The following PCNT variants were observed in gnomAD, a reference collection of about 807,000 sequenced individuals.
The protein encoded by PCNT is pericentrin.
A neutral mutation model predicts 380.4 loss-of-function variants in PCNT; 319 were observed. The ratio of observed to expected loss-of-function variants is 0.84; its 90% CI spans 0.77 to 0.92. The LOEUF (loss-of-function observed/expected upper bound fraction) is 0.92. Among genes scored for constraint, PCNT ranks in the 40% least tolerant of loss-of-function variants. PCNT has a pLI of 0.00. For missense variants in PCNT, 4,400 were observed against 4,255.3 expected (o/e 1.03, Z -0.95); for synonymous variants, 1,845 against 1,735.2 (o/e 1.06, Z -1.57).
In PCNT at chr21:46,430,219, G is replaced by A. The variant is rs1317975112; in HGVS notation, c.7900G>A (p.Val2634Ile). 3.1e-6 allele frequency: 5 copies of A among 1,613,304 alleles called. No individual in the cohort carries two copies. The highest frequency in any genetic ancestry group is 1.3e-5 in the African/African-American group (1 of 75,042). ...SRSLCEVQQE[V>I]LQLRSMLSSK... is the part of the protein sequence containing the mutation. ...GTCCCTCTGCGAGGTGCAGCAGGAG[G>A]TCCTCCAGCTGAGGTGCGCCTGATC... Residue 2634 changes from valine to isoleucine, a missense_variant, in exon 36 of 47, where the codon GTC becomes ATC. Coordinates refer to ENST00000359568, the MANE Select transcript of PCNT (RefSeq NM_006031.6).
chr21:46,445,437 G>A lies in PCNT; in HGVS notation c.*110G>A, dbSNP rs773970145. On this transcript the variant is annotated 3_prime_UTR_variant, in exon 47 of 47. Coordinates refer to ENST00000359568, the MANE Select transcript of PCNT (RefSeq NM_006031.6). ...AGCATGGGCACTACTCTTCATGTGC[G>A]GTGACACCAGCCCCCAGATGCCTTG... The A allele has an allele frequency of 8.9e-5, 76 of 851,712 alleles. 1 individual carries two copies. The Middle Eastern group carries it at 7.7e-3, about 86-fold the overall frequency. 52.8% of individuals were successfully genotyped at this position (851,712 alleles called of 1,614,324 possible).
chr21:46,364,552 C>T (rs991394261), intron 14 of PCNT, among the ~76,000 whole-genome samples: 1 of 152,210 alleles, frequency 6.6e-6, no homozygotes, highest in Non-Finnish European at 1.5e-5. Context: ...ATCCACTAAG[C>T]GTTTTTGTGT....
rs770080898 is a variant in PCNT at position 46,389,524 on chromosome 21, G to C, written c.3840+93G>C. 34 of 974,364 alleles carry C rather than the reference G, an allele frequency of 3.5e-5. 1 individual carries two copies. The highest frequency in any genetic ancestry group is 4.5e-5 in the Non-Finnish European group (29 of 639,858). 60.4% of individuals were successfully genotyped at this position (974,364 alleles called of 1,614,324 possible). A position where few individuals can be genotyped will look rare whatever the true frequency, so the allele number is the denominator to read the frequency against. ...CCTGGTGGATGCCGGTGCCAACGACGCTCGCACGGGTTTCTCCCCAAGGAG... is the reference window on the plus strand; with the variant it reads ...CCTGGTGGATGCCGGTGCCAACGACCCTCGCACGGGTTTCTCCCCAAGGAG... On this transcript the variant is annotated intron_variant, in intron 19 of 46. Coordinates refer to ENST00000359568, the MANE Select transcript of PCNT (RefSeq NM_006031.6).
intron 1 of PCNT, among the ~76,000 whole-genome samples, chr21:46,326,100 T>A (rs1248766297): frequency 6.6e-6 from 1 of 152,214 alleles, no homozygotes; most frequent in Non-Finnish European, 1.5e-5. Context: ...AAAGTTTTAT[T>A]TTTCTGTAAA....
chr21:46,393,403 G>A (rs1389167962), intron 21 of PCNT, among the ~76,000 whole-genome samples: 4 of 152,122 alleles, frequency 2.6e-5, no homozygotes, highest in South Asian at 2.1e-4. Context: ...CTGGGCGTCC[G>A]TTGTCGCTGT....
chr21:46,388,538 T>C lies in PCNT; in HGVS notation c.3465-204T>C, dbSNP rs2085918902. ...CCTCACCTAGGAAAGCCCGTGTCCC[T>C]GAGTGGGCTCCACGTGGTTGTCTTG... On this transcript the variant is annotated intron_variant, in intron 17 of 46. Coordinates refer to ENST00000359568, the MANE Select transcript of PCNT (RefSeq NM_006031.6). This position sits in a 1 kb window ranked among gnomAD's most constrained non-coding sequence, Gnocchi z 4.2. 6.6e-6 allele frequency among the ~76,000 whole-genome samples: 1 copy of C among 152,248 alleles called. No homozygotes were observed. Among genetic ancestry groups the C allele is most frequent in the South Asian group, 2.1e-4 (1 of 4,832 alleles).
chr21:46,422,182 C>T, intron 32 of PCNT, 58 bp downstream of exon 32: 2 of 1,599,428 alleles, frequency 1.3e-6, no homozygotes, highest in South Asian at 1.1e-5. Context: ...GGGCATCCCC[C>T]AAGCCCTGTG....
intron 3 of PCNT, among the ~76,000 whole-genome samples, chr21:46,338,834 G>T (rs2083833364): frequency 6.6e-6 from 1 of 151,660 alleles, no homozygotes; most frequent in Admixed American, 6.6e-5. Context: ...AGCCTAGAGT[G>T]CAGTGGCCCA....
chr21:46,438,422 C>T, intron 41 of PCNT, 85 bp downstream of exon 41: 3 of 1,217,990 alleles, frequency 2.5e-6, no homozygotes, highest in East Asian at 2.3e-5. Context: ...GGCCGGGCTC[C>T]CTTTAGGGAC....
chr21:46,406,808 T>C (rs1255592832), intron 27 of PCNT, among the ~76,000 whole-genome samples: 1 of 152,250 alleles, frequency 6.6e-6, no homozygotes, highest in Non-Finnish European at 1.5e-5. Flanking sequence ...GAAATAGTGA[T>C]GATATTTTTC....
At chr21:46,414,732 C>A (rs2086948381) in intron 29 of PCNT, among the ~76,000 whole-genome samples, 1 of 53,830 alleles carries the variant, frequency 1.9e-5, no homozygotes, top group African/African-American at 5.3e-5. Context: ...CACAGCTGCC[C>A]ACCCTCCTCC....
intron 21 of PCNT, among the ~76,000 whole-genome samples, chr21:46,393,987 G>C (rs182777818): frequency 7.2e-4 from 110 of 152,290 alleles, no homozygotes; most frequent in South Asian, 1.5e-3. Flanking sequence ...TCGCAGGCTC[G>C]GGCCAACTTT....
Position 46,367,054 on chromosome 21 carries a change from TAC to T in PCNT, c.3082_3083del (p.Gln1028ValfsTer29). The T allele has an allele frequency of 1.2e-6, 2 of 1,613,956 alleles. No individual in the cohort carries two copies. The highest frequency in any genetic ancestry group is 1.7e-6 in the Non-Finnish European group (2 of 1,180,010). ...CTGAAGCGGAAACACGAAGGGGAGC[TAC>T]AGTCTGTGCGGGACCACCTGCGAAC... On this transcript the variant is annotated frameshift_variant, in exon 15 of 47. Coordinates refer to ENST00000359568, the MANE Select transcript of PCNT (RefSeq NM_006031.6). LOFTEE classifies it high-confidence loss of function.
rs759913410 is a variant in PCNT at position 46,427,806 on chromosome 21, G to T, written c.7494+11G>T. 4 of 1,612,814 alleles carry T rather than the reference G, an allele frequency of 2.5e-6. No homozygotes were observed. The highest frequency in any genetic ancestry group is 3.4e-6 in the Non-Finnish European group (4 of 1,179,950). ...ATCATCCGTGAGCAGGTGAGTGTCAGCTCTGCCACCAGGCCTCAGTTTGCC... is the reference window on the plus strand; with the variant it reads ...ATCATCCGTGAGCAGGTGAGTGTCATCTCTGCCACCAGGCCTCAGTTTGCC... On this transcript the variant is annotated intron_variant, in intron 34 of 46. Transcript: ENST00000359568.
chr21:46,387,312 G>A (rs765100214), intron 17 of PCNT, among the ~76,000 whole-genome samples: 14 of 152,202 alleles, frequency 9.2e-5, no homozygotes, highest in Non-Finnish European at 1.9e-4. Flanking sequence ...TTGGCTGTGG[G>A]TGTCTCGTAG....
chr21:46,353,321 A>G lies in PCNT; in HGVS notation c.1674A>G (p.Glu558=), dbSNP rs2084345201. The G allele has an allele frequency of 6.2e-7, 1 of 1,613,732 alleles. No homozygotes were observed. The highest frequency in any genetic ancestry group is 8.5e-7 in the Non-Finnish European group (1 of 1,179,788). The part of the protein sequence containing the change: ...AREDALLDSV[E]VGLSCVGLEE... ...AAGATGCTCTTCTGGACTCTGTGGA[A>G]GTTGGGTAAGCAAAGCAGTTCCAGC... The change falls in exon 10 of 47, where the codon GAA becomes GAG. Residue 558 remains glutamate (E), a synonymous_variant. Transcript: ENST00000359568.
chr21:46,433,591 G>T (rs2087856469), intron 38 of PCNT, among the ~76,000 whole-genome samples: 1 of 152,134 alleles, frequency 6.6e-6, no homozygotes, highest in African/African-American at 2.4e-5. Context: ...GCTCAAAGGA[G>T]TCTTTACTTT....
At chr21:46,350,985 C>G (rs2084245599) in intron 8 of PCNT, among the ~76,000 whole-genome samples, 1 of 152,190 alleles carries the variant, frequency 6.6e-6, no homozygotes, top group Non-Finnish European at 1.5e-5. Context: ...TAAGAGGTAC[C>G]TGCTTCCTTA....
intron 24 of PCNT, among the ~76,000 whole-genome samples, chr21:46,399,264 T>G (rs201718225): frequency 0.052 from 5,995 of 116,112 alleles, 13 homozygotes; most frequent in East Asian, 0.18. Flanking sequence ...CTGTGCAGCC[T>G]GTGGGTCTGG....
Sources: allele counts gnomAD v4.1 joint callset (sites outside exome capture counted in the v4.1 genomes callset), GRCh38; gene constraint gnomAD v4.1.1; non-coding constraint Gnocchi (gnomAD v3.1); transcripts MANE v1.5; gene names NCBI Gene and HGNC (gene_info 2026-07-23, HGNC 2026-07-21).